BAZ1A: variants seen among roughly 807,000 people sequenced by gnomAD.
The protein encoded by BAZ1A is bromodomain adjacent to zinc finger domain protein 1A.
Under a neutral mutation model 185.2 loss-of-function variants are expected in BAZ1A, and 50 were observed. The observed-to-expected ratio is 0.27, with a 90% CI of 0.22 to 0.34. The LOEUF (loss-of-function observed/expected upper bound fraction) is 0.34, where lower values mean the gene tolerates loss of function less well. Among genes scored for constraint, BAZ1A ranks in the 10% least tolerant of loss-of-function variants. The pLI, the probability that BAZ1A is intolerant of heterozygous loss-of-function variation, is 1.00. For synonymous variants in BAZ1A, 571 were observed against 615.6 expected, an observed-to-expected ratio of 0.93 and a Z score of 1.07; for missense variants, 1,356 against 1,839.9, an observed-to-expected ratio of 0.74 and a Z score of 4.81.
intron 15 of BAZ1A, among the ~76,000 whole-genome samples, 158 bp from the exon 16 acceptor site, chr14:34,783,390 CAG>C (rs1485436818): frequency 8.7e-6 from 1 of 114,298 alleles, no homozygotes; most frequent in Non-Finnish European, 1.7e-5. Flanking sequence ...TTTTTTGAGA[CAG>C]AGTTTCACTC....
intron 4 of BAZ1A, among the ~76,000 whole-genome samples, chr14:34,812,844 C>T (rs2041949008): frequency 6.6e-6 from 1 of 151,944 alleles, no homozygotes; most frequent in Non-Finnish European, 1.5e-5. Context: ...AGAGTATTTA[C>T]CTACAATAGC....
intron 17 of BAZ1A, among the ~76,000 whole-genome samples, chr14:34,776,808 GA>G (rs1312699357): frequency 6.6e-6 from 1 of 152,096 alleles, no homozygotes; most frequent in Non-Finnish European, 1.5e-5. Context: ...GCCATGTAAG[GA>G]TATAGCAAGA....
In BAZ1A at chr14:34,874,749, G is replaced by T; in HGVS notation, c.-58-87C>A. The T allele has an allele frequency of 5.0e-6, 3 of 601,180 alleles. No individual in the cohort carries two copies. The highest frequency in any genetic ancestry group is 8.4e-6 in the Non-Finnish European group (3 of 359,106). 37.2% of individuals were successfully genotyped at this position (601,180 alleles called of 1,614,324 possible). A position where few individuals can be genotyped will look rare whatever the true frequency, so the allele number is the denominator to read the frequency against. On this transcript the variant is annotated intron_variant, in intron 1 of 26. Transcript: ENST00000360310. This position sits in a 1 kb window ranked among gnomAD's most constrained non-coding sequence, Gnocchi z 4.7. ...CCGGTCCGCGCGCTGGGAGAAGCTC[G>T]GCTGCCTTTTGTGTGACTGACGCGC...
At chr14:34,756,466 A>ATT (rs1158606061) in intron 25 of BAZ1A, among the ~76,000 whole-genome samples, 1,811 of 78,888 alleles carry the variant, frequency 0.023, 184 homozygotes, top group African/African-American at 0.071. Context: ...CAGAATACCT[A>ATT]TTTTTTTTTT....
chr14:34,794,965 A>C, intron 10 of BAZ1A, 78 bp from the exon 11 acceptor site: 1 of 1,542,546 alleles, frequency 6.5e-7, no homozygotes, highest in Admixed American at 2.0e-5. Context: ...CATACTTTTT[A>C]CCTAACTATT....
At chr14:34,853,714 GA>G (rs2042632021) in intron 3 of BAZ1A, among the ~76,000 whole-genome samples, 1 of 152,288 alleles carries the variant, frequency 6.6e-6, no homozygotes, top group East Asian at 1.9e-4. Flanking sequence ...TTGAACCCAG[GA>G]GACACAGGTT....
At chr14:34,792,728 G>C (rs569569813) in intron 12 of BAZ1A, 47 bp downstream of exon 12, 2 of 1,584,622 alleles carry the variant, frequency 1.3e-6, no homozygotes, top group Non-Finnish European at 1.7e-6. Context: ...AATTAGTTTC[G>C]CTACAAAACT....
At position 34,826,174 on chromosome 14, in the gene BAZ1A, A is replaced by C; in HGVS notation, c.393-18T>G. The C allele has an allele frequency of 6.2e-7, 1 of 1,603,928 alleles. No homozygotes were observed. The highest frequency in any genetic ancestry group is 8.5e-7 in the Non-Finnish European group (1 of 1,176,746). On this transcript the variant is annotated intron_variant, in intron 3 of 26. Coordinates refer to ENST00000360310, the MANE Select transcript of BAZ1A (RefSeq NM_013448.3). ...ACTGCAACCTGAAATAAAATGATAC[A>C]TTTAAAAATGCAAATCATTTCATAT... is the stretch of plus-strand genomic sequence containing the variant.
chr14:34,788,979 A>G (rs1253920729), intron 12 of BAZ1A, among the ~76,000 whole-genome samples: 1 of 152,190 alleles, frequency 6.6e-6, no homozygotes, highest in African/African-American at 2.4e-5. Context: ...CGACAATTTC[A>G]TGGCATTTAA....
intron 3 of BAZ1A, among the ~76,000 whole-genome samples, chr14:34,831,829 A>T (rs1364859443): frequency 6.6e-6 from 1 of 152,198 alleles, no homozygotes; most frequent in Non-Finnish European, 1.5e-5. Context: ...GAAGGAAAAA[A>T]AAGACTCAAA....
chr14:34,779,696 A>G (rs528058330), intron 17 of BAZ1A, among the ~76,000 whole-genome samples: 3 of 152,326 alleles, frequency 2.0e-5, no homozygotes, highest in Non-Finnish European at 4.4e-5. Context: ...TTGATCTAGC[A>G]ATTTATGAAA....
intron 3 of BAZ1A, among the ~76,000 whole-genome samples, chr14:34,856,899 A>G (rs1363644211): frequency 6.6e-6 from 1 of 151,802 alleles, no homozygotes; most frequent in Non-Finnish European, 1.5e-5. Context: ...GAGTAACACA[A>G]AGATGTCCAT....
chr14:34,852,122 G>A (rs1488837525), intron 3 of BAZ1A, among the ~76,000 whole-genome samples: 4 of 150,488 alleles, frequency 2.7e-5, no homozygotes, highest in Non-Finnish European at 4.4e-5. Context: ...GCTAGACTCC[G>A]TCTCAAAGAA....
In BAZ1A at chr14:34,773,702, A is replaced by T. The variant is rs761489603; in HGVS notation, c.3022T>A (p.Ser1008Thr). 1 of 1,613,518 alleles carries T rather than the reference A, an allele frequency of 6.2e-7. No homozygotes were observed. The highest frequency in any genetic ancestry group is 2.2e-5 in the East Asian group (1 of 44,796). ...IKVTDRHIWRSALESGRYELL... is the reference protein window; with the variant it reads ...IKVTDRHIWRTALESGRYELL... ...TCATACCGTCCACTTTCTAATGCTG[A>T]TCTCCAGATATGTCGATCTGTAACC... Residue 1008 changes from serine (S) to threonine (T), a missense_variant, in exon 20 of 27, where the codon TCA becomes ACA. By Grantham distance (58) the Ser-to-Thr change is moderately conservative. Around this residue, in one of 7 missense-constraint regions of BAZ1A, gnomAD observed 434 missense variants for 561.7 expected, o/e 0.77. Coordinates refer to ENST00000360310, the MANE Select transcript of BAZ1A (RefSeq NM_013448.3).
At chr14:34,774,606 G>A (rs1238872499) in intron 18 of BAZ1A, 116 bp from the exon 19 acceptor site, 14 of 832,500 alleles carry the variant, frequency 1.7e-5, no homozygotes, top group African/African-American at 7.1e-5. Flanking sequence ...AAATCCTCAA[G>A]TGCCACAAAT....
chr14:34,766,008 T>C (rs187987915), intron 21 of BAZ1A, among the ~76,000 whole-genome samples: 6 of 152,346 alleles, frequency 3.9e-5, no homozygotes, highest in Admixed American at 1.3e-4. Flanking sequence ...TTTCCTACTA[T>C]TATTCTCAAA....
At chr14:34,774,901 G>A (rs1325997473) in intron 18 of BAZ1A, among the ~76,000 whole-genome samples, 3 of 152,138 alleles carry the variant, frequency 2.0e-5, no homozygotes, top group African/African-American at 7.2e-5. Flanking sequence ...CAGACAAATG[G>A]CCAATGAGCA....
chr14:34,824,408 CAAA>C, intron 4 of BAZ1A, among the ~76,000 whole-genome samples: 13 of 65,772 alleles, frequency 2.0e-4, no homozygotes, highest in Admixed American at 1.8e-3. Context: ...AGCAGCAACT[CAAA>C]AAAAAAAAAA....
intron 3 of BAZ1A, among the ~76,000 whole-genome samples, chr14:34,853,921 T>C (rs200633930): frequency 1.3e-5 from 2 of 152,256 alleles, no homozygotes; most frequent in East Asian, 3.8e-4. Flanking sequence ...TCTGTAATTC[T>C]GCAGTCCCTT....
Sources: gnomAD v4.1 joint callset for allele counts (sites outside exome capture counted in the v4.1 genomes callset) on GRCh38, gnomAD v4.1.1 for gene constraint, gnomAD v4.1.1 regional missense constraint, Gnocchi (gnomAD v3.1) non-coding constraint, MANE v1.5 for transcripts, NCBI Gene and HGNC (gene_info 2026-07-23, HGNC 2026-07-21) for gene names.